Variants in ISCA2 observed in about 807,000 individuals in gnomAD.
The protein encoded by ISCA2 is iron-sulfur cluster assembly 2.
In ISCA2, 21 loss-of-function variants were observed where a neutral mutation model predicts 19.1. The observed-to-expected ratio is 1.10, with a 90% CI of 0.78 to 1.59. The LOEUF (loss-of-function observed/expected upper bound fraction) is 1.59, where lower values mean the gene tolerates loss of function less well. Ranked by LOEUF, ISCA2 falls within the 40% of genes most tolerant of loss-of-function variation. ISCA2 has a pLI of 0.00. For synonymous variants in ISCA2, 107 were observed against 83.8 expected (o/e 1.28, Z -1.51); for missense variants, 181 against 191.7 (o/e 0.94, Z 0.33).
At position 74,494,410 on chromosome 14, in the gene ISCA2, C is replaced by A. The variant is rs980301973; in HGVS notation, c.290+20C>A. ...CGACAGGCAAGGAGGAAGGGGTGGGCCCCCAAAGGAGGTACAGGAGGGACA... is the reference window on the plus strand; with the variant it reads ...CGACAGGCAAGGAGGAAGGGGTGGGACCCCAAAGGAGGTACAGGAGGGACA... On this transcript the variant is annotated intron_variant, in intron 3 of 3. Transcript: ENST00000556816. The A allele has an allele frequency of 3.2e-6, 5 of 1,558,708 alleles. No homozygotes were observed. The highest frequency in any genetic ancestry group is 4.4e-6 in the Non-Finnish European group (5 of 1,129,432).
Position 74,494,878 on chromosome 14 carries a change from T to C in ISCA2, c.343T>C (p.Phe115Leu). 6.2e-7 allele frequency: 1 copy of C among 1,614,178 alleles called. No individual in the cohort carries two copies. Among genetic ancestry groups the C allele is most frequent in the Non-Finnish European group, 8.5e-7 (1 of 1,179,998 alleles). ...GGTGGTTGACTCTGATAGCTTGGCC[T>C]TCGTGAAAGGGGCCCAGGTGGACTT... Reference protein sequence around the residue: ...RVVVDSDSLAFVKGAQVDFSQ... With the variant: ...RVVVDSDSLALVKGAQVDFSQ... The change falls in exon 4 of 4, where the codon TTC becomes CTC. Residue 115 changes from phenylalanine to leucine, a missense_variant. Coordinates refer to ENST00000556816, the MANE Select transcript of ISCA2 (RefSeq NM_194279.4).
chr14:74,495,132 GT>G lies in ISCA2; in HGVS notation c.*136del, dbSNP rs962429071. 5 of 683,730 alleles carry G rather than the reference GT, an allele frequency of 7.3e-6. No homozygotes were observed. Among genetic ancestry groups the G allele is most frequent in the African/African-American group, 7.2e-5 (4 of 55,296 alleles). 42.4% of individuals were successfully genotyped at this position (683,730 alleles called of 1,614,324 possible). On this transcript the variant is annotated 3_prime_UTR_variant, in exon 4 of 4. Coordinates refer to ENST00000556816, the MANE Select transcript of ISCA2 (RefSeq NM_194279.4). ...ATTTCCCGCAGTCCAGGAGTGTTAT[GT>G]TTTGCCACTATTATTTTCAGAATGT...
In ISCA2 at chr14:74,493,822, G is replaced by C. The variant is rs949383555; in HGVS notation, c.48G>C (p.Ala16=). Residue 16 remains alanine, a synonymous_variant, in exon 1 of 4, where the codon GCG becomes GCC. Coordinates refer to ENST00000556816, the MANE Select transcript of ISCA2 (RefSeq NM_194279.4). This position sits in a 1 kb window ranked among gnomAD's most constrained non-coding sequence, Gnocchi z 4.1. ...CCCTAACGGCCGCGACGCAGAGAGC[G>C]GTCACTCCCTGGCCGAGGGGCAGGT... ...GSSLTAATQR[A]VTPWPRGRLL... 5.2e-6 allele frequency: 8 copies of C among 1,547,540 alleles called. No homozygotes were observed. The South Asian group carries it at 7.2e-5, about 14-fold the overall frequency.
In ISCA2 at chr14:74,496,240, A is replaced by G. The variant is rs1219490316; in HGVS notation, c.*1240A>G. 6.6e-6 allele frequency: 1 copy of G among 152,248 alleles called. No individual in the cohort carries two copies. The highest frequency in any genetic ancestry group is 1.5e-5 in the Non-Finnish European group (1 of 68,044). The allele number at this position is 152,248 out of a possible 1,614,324, so 9.4% of individuals were successfully genotyped here. A position where few individuals can be genotyped will look rare whatever the true frequency, so the allele number is the denominator to read the frequency against. On this transcript the variant is annotated 3_prime_UTR_variant, in exon 4 of 4. Transcript: ENST00000556816. Reference sequence around the variant, plus strand: ...AAATCCATCTTTTGCTTGGGAGCCTAGAAGTTTGTTACAGTAAAGACTTGC... The same window carrying G: ...AAATCCATCTTTTGCTTGGGAGCCTGGAAGTTTGTTACAGTAAAGACTTGC...
Position 74,494,050 on chromosome 14 carries a change from G to T in ISCA2, c.72G>T (p.Arg24Ser). Residue 24 changes from arginine (R) to serine (S), a missense_variant and splice_region_variant, in exon 2 of 4, where the codon AGG becomes AGT. By Grantham distance (110) the Arg-to-Ser change is moderately radical (BLOSUM62 -1). Coordinates refer to ENST00000556816, the MANE Select transcript of ISCA2 (RefSeq NM_194279.4). ...GCTCACCCTCCTCCCTTGCGCGCAG[G>T]CTCCTCACGGCCTCCCTGGGACCCC... ...QRAVTPWPRGRLLTASLGPQA... is the reference protein window; with the variant it reads ...QRAVTPWPRGSLLTASLGPQA... The T allele has an allele frequency of 6.5e-7, 1 of 1,537,788 alleles. No individual in the cohort carries two copies. Among genetic ancestry groups the T allele is most frequent in the Non-Finnish European group, 8.7e-7 (1 of 1,144,026 alleles).
Position 74,494,260 on chromosome 14 carries a change from C to T in ISCA2, c.175-15C>T, listed in dbSNP as rs776178432. On this transcript the variant is annotated splice_polypyrimidine_tract_variant and intron_variant, in intron 2 of 3. Transcript: ENST00000556816. ...CCGTTTCCCGCTATTCTTGATCCCC[C>T]TTCCTGCATTTCAGAGGCTTTTGGA... 1.2e-6 allele frequency: 2 copies of T among 1,609,606 alleles called. No individual in the cohort carries two copies. Among genetic ancestry groups the T allele is most frequent in the East Asian group, 2.2e-5 (1 of 44,878 alleles).
rs61746409 is a variant in ISCA2 at position 74,496,470 on chromosome 14, G to A, written c.*1470G>A. On this transcript the variant is annotated 3_prime_UTR_variant, in exon 4 of 4. Coordinates refer to ENST00000556816, the MANE Select transcript of ISCA2 (RefSeq NM_194279.4). Reference sequence around the variant, plus strand: ...AACCTGAGCACATTTCTTAGAGCTGGTGGAAGGAGGCAGAAAGCAGCATAC... The same window carrying A: ...AACCTGAGCACATTTCTTAGAGCTGATGGAAGGAGGCAGAAAGCAGCATAC... 1.2e-3 allele frequency: 183 copies of A among 152,318 alleles called. No individual in the cohort carries two copies. The highest frequency in any genetic ancestry group is 4.2e-3 in the African/African-American group (176 of 41,560). 9.4% of individuals were successfully genotyped at this position (152,318 alleles called of 1,614,324 possible).
rs1595232124 is a variant in ISCA2 at position 74,496,742 on chromosome 14, A to G, written c.*1742A>G. 1 of 152,226 alleles carries G rather than the reference A, an allele frequency of 6.6e-6. No individual in the cohort carries two copies. The highest frequency in any genetic ancestry group is 1.9e-4 in the East Asian group (1 of 5,204). The allele number at this position is 152,226 out of a possible 1,614,324, so 9.4% of individuals were successfully genotyped here. On this transcript the variant is annotated 3_prime_UTR_variant, in exon 4 of 4. Transcript: ENST00000556816. ...CAATCAAATTACAGTGGTGCACTAG[A>G]CAGAAACAGTCCCTTAGAATGCAGC...
Position 74,493,801 on chromosome 14 carries a change from A to G in ISCA2, c.27A>G (p.Leu9=). MAAAWGSS[L]TAATQRAVTP... is the part of the protein sequence containing the mutation. ...TGGCTGCCGCCTGGGGGTCGTCCCT[A>G]ACGGCCGCGACGCAGAGAGCGGTCA... Residue 9 remains leucine, a synonymous_variant, in exon 1 of 4, where the codon CTA becomes CTG. Transcript: ENST00000556816. The surrounding 1 kb of genome is among the most constrained non-coding windows in gnomAD (Gnocchi z 4.1). 6.5e-7 allele frequency: 1 copy of G among 1,539,196 alleles called. No homozygotes were observed. The highest frequency in any genetic ancestry group is 2.3e-5 in the East Asian group (1 of 42,788).
In ISCA2 at chr14:74,493,991, G is replaced by A. The variant is rs755319326; in HGVS notation, c.72-59G>A. 1 of 1,497,432 alleles carries A rather than the reference G, an allele frequency of 6.7e-7. No homozygotes were observed. The highest frequency in any genetic ancestry group is 1.2e-5 in the South Asian group (1 of 83,138). 92.8% of individuals were successfully genotyped at this position (1,497,432 alleles called of 1,614,324 possible). A position where few individuals can be genotyped will look rare whatever the true frequency, so the allele number is the denominator to read the frequency against. On this transcript the variant is annotated intron_variant, in intron 1 of 3. Coordinates refer to ENST00000556816, the MANE Select transcript of ISCA2 (RefSeq NM_194279.4). This position sits in a 1 kb window ranked among gnomAD's most constrained non-coding sequence, Gnocchi z 4.1. ...CCAGGTTTAGCGTGAGGCGCTCCAG[G>A]TCGAGGGTTGCAAGGTGCCCCTTCT...
rs766686578 is a variant in ISCA2 at position 74,494,973 on chromosome 14, T to C, written c.438T>C (p.Cys146=). The C allele has an allele frequency of 6.2e-6, 10 of 1,613,008 alleles. No homozygotes were observed. In the South Asian group the frequency reaches 7.7e-5, roughly 12 times the overall value. The change falls in exon 4 of 4, where the codon TGT becomes TGC. Residue 146 remains cysteine, a synonymous_variant. Coordinates refer to ENST00000556816, the MANE Select transcript of ISCA2 (RefSeq NM_194279.4). The part of the protein sequence containing the change: ...NNPQAQQGCS[C]GSSFSIKL ...CTCAAGCACAGCAAGGCTGCTCCTG[T>C]GGGTCATCTTTCTCTATCAAACTTT...
chr14:74,495,129 T>C lies in ISCA2; in HGVS notation c.*129T>C. 2.8e-6 allele frequency: 2 copies of C among 705,272 alleles called. No homozygotes were observed. The highest frequency in any genetic ancestry group is 4.1e-4 in the Middle Eastern group (1 of 2,462). 43.7% of individuals were successfully genotyped at this position (705,272 alleles called of 1,614,324 possible). A position where few individuals can be genotyped will look rare whatever the true frequency, so the allele number is the denominator to read the frequency against. ...TTTATTTCCCGCAGTCCAGGAGTGT[T>C]ATGTTTTGCCACTATTATTTTCAGA... On this transcript the variant is annotated 3_prime_UTR_variant, in exon 4 of 4. Coordinates refer to ENST00000556816, the MANE Select transcript of ISCA2 (RefSeq NM_194279.4).
chr14:74,495,411 G>T lies in ISCA2; in HGVS notation c.*411G>T. On this transcript the variant is annotated 3_prime_UTR_variant, in exon 4 of 4. Coordinates refer to ENST00000556816, the MANE Select transcript of ISCA2 (RefSeq NM_194279.4). ...ATCAGGGTCACAGATTGGGTAGCTT[G>T]GACACCAGTTATTAGAGGATGAGAA... The T allele has an allele frequency of 6.4e-6, 1 of 156,040 alleles. No homozygotes were observed. The highest frequency in any genetic ancestry group is 1.4e-5 in the Non-Finnish European group (1 of 70,770). 9.7% of individuals were successfully genotyped at this position (156,040 alleles called of 1,614,324 possible). A position where few individuals can be genotyped will look rare whatever the true frequency, so the allele number is the denominator to read the frequency against.
At position 74,494,159 on chromosome 14, in the gene ISCA2, G is replaced by C. The variant is rs559667918; in HGVS notation, c.174+7G>C. The stretch of plus-strand genomic sequence containing the variant: ...CACAGACAGTTGCGTCCAGGTAGGA[G>C]GCCGGACGCGGAGCGGCGGTACCCA... On this transcript the variant is annotated splice_region_variant and intron_variant, in intron 2 of 3. Transcript: ENST00000556816. The C allele has an allele frequency of 1.9e-6, 3 of 1,586,042 alleles. No homozygotes were observed. Among genetic ancestry groups the C allele is most frequent in the Non-Finnish European group, 2.6e-6 (3 of 1,165,676 alleles).
At chr14:74,494,793 A>G (rs1455135586) in intron 3 of ISCA2, 33 bp from the exon 4 acceptor site, 2 of 1,600,166 alleles carry the variant, frequency 1.2e-6, no homozygotes, top group Non-Finnish European at 1.7e-6. Flanking sequence ...TGTGTTTGCG[A>G]TACTCCTTAA....
rs768231972 is a variant in ISCA2, at chr14:74,494,945, A to G, written c.410A>G (p.Asn137Ser). The G allele has an allele frequency of 6.2e-7, 1 of 1,613,862 alleles. No homozygotes were observed. Among genetic ancestry groups the G allele is most frequent in the Non-Finnish European group, 8.5e-7 (1 of 1,180,012 alleles). Residue 137 changes from asparagine to serine, a missense_variant, in exon 4 of 4, where the codon AAT becomes AGT. By Grantham distance (46) the Asn-to-Ser change is conservative. Coordinates refer to ENST00000556816, the MANE Select transcript of ISCA2 (RefSeq NM_194279.4). The stretch of plus-strand genomic sequence containing the variant: ...CGAAGCTCATTTCAAGTGTTGAACA[A>G]TCCTCAAGCACAGCAAGGCTGCTCC... ...LIRSSFQVLN[N>S]PQAQQGCSCG...
chr14:74,494,862 C>T lies in ISCA2; in HGVS notation c.327C>T (p.Asp109=). 6.2e-7 allele frequency: 1 copy of T among 1,614,164 alleles called. No individual in the cohort carries two copies. The highest frequency in any genetic ancestry group is 8.5e-7 in the Non-Finnish European group (1 of 1,180,016). ...FEQGGARVVV[D]SDSLAFVKGA... ...AGGGTGGGGCAAGAGTGGTGGTTGA[C>T]TCTGATAGCTTGGCCTTCGTGAAAG... Residue 109 remains aspartate (D), a synonymous_variant, in exon 4 of 4, where the codon GAC becomes GAT. Transcript: ENST00000556816.
At position 74,495,583 on chromosome 14, in the gene ISCA2, A is replaced by G. The variant is rs1331576149; in HGVS notation, c.*583A>G. The G allele has an allele frequency of 2.0e-5, 3 of 152,262 alleles. No homozygotes were observed. The East Asian group carries it at 5.8e-4, about 29-fold the overall frequency. The allele number at this position is 152,262 out of a possible 1,614,324, so 9.4% of individuals were successfully genotyped here. On this transcript the variant is annotated 3_prime_UTR_variant, in exon 4 of 4. Coordinates refer to ENST00000556816, the MANE Select transcript of ISCA2 (RefSeq NM_194279.4). ...CATGCTCGTGGATCTGCTATGAGTC[A>G]TAAAACCAAGAGCCCGTTACCCAGA...
rs1361428748 is a variant in ISCA2 at position 74,494,403 on chromosome 14, G to C, written c.290+13G>C. On this transcript the variant is annotated intron_variant, in intron 3 of 3. Coordinates refer to ENST00000556816, the MANE Select transcript of ISCA2 (RefSeq NM_194279.4). ...ACCCCGACGACAGGCAAGGAGGAAG[G>C]GGTGGGCCCCCAAAGGAGGTACAGG... 2 of 1,594,308 alleles carry C rather than the reference G, an allele frequency of 1.3e-6. No homozygotes were observed. The highest frequency in any genetic ancestry group is 1.1e-5 in the South Asian group (1 of 90,736).
Sources: allele counts gnomAD v4.1 joint callset, GRCh38; gene constraint gnomAD v4.1.1; non-coding constraint Gnocchi (gnomAD v3.1); transcripts MANE v1.5; gene names NCBI Gene and HGNC (gene_info 2026-07-23, HGNC 2026-07-21).